Variants in BRAP observed in about 807,000 individuals in gnomAD.
BRAP encodes the protein BRCA1 associated protein.
Under a neutral mutation model 73.4 loss-of-function variants are expected in BRAP, and 42 were observed. The observed-to-expected ratio is 0.57, with a 90% CI of 0.45 to 0.74. BRAP has a LOEUF of 0.74. BRAP is among the 30% of genes least tolerant of loss of function. The probability of loss-of-function intolerance (pLI) is 0.00; values close to 1 mark genes in which losing one functional copy is unlikely to be tolerated. For synonymous variants in BRAP, 255 were observed against 267.4 expected (o/e 0.95, Z 0.45); for missense variants, 593 against 751.4 (o/e 0.79, Z 2.46).
chr12:111,675,062 A>C (rs1271544158), intron 4 of BRAP, among the ~76,000 whole-genome samples: 1 of 152,152 alleles, frequency 6.6e-6, no homozygotes, highest in Non-Finnish European at 1.5e-5. Context: ...GGAGTTTGAG[A>C]CCAGCCTGGG....
At chr12:111,664,310 T>C (rs1330583530) in intron 6 of BRAP, among the ~76,000 whole-genome samples, 1 of 152,006 alleles carries the variant, frequency 6.6e-6, no homozygotes, top group African/African-American at 2.4e-5. Context: ...CCAACACGGG[T>C]GACAGAGCAA....
At chr12:111,648,128 T>C (rs1886180519) in intron 11 of BRAP, among the ~76,000 whole-genome samples, 2 of 150,280 alleles carry the variant, frequency 1.3e-5, no homozygotes, top group Admixed American at 1.3e-4. Flanking sequence ...TGAAACCCCG[T>C]CTCTACTAAA....
intron 9 of BRAP, among the ~76,000 whole-genome samples, chr12:111,657,541 GGT>G (rs1189131305): frequency 6.6e-6 from 1 of 152,116 alleles, no homozygotes; most frequent in Non-Finnish European, 1.5e-5. Flanking sequence ...TTCCTCCTAA[GGT>G]TAAGGTATGT....
At chr12:111,678,135 C>T (rs1453277005) in intron 4 of BRAP, among the ~76,000 whole-genome samples, 1 of 151,544 alleles carries the variant, frequency 6.6e-6, no homozygotes, top group Admixed American at 6.6e-5. Context: ...GCCTATAATC[C>T]CAGCTACTCC....
In BRAP at chr12:111,644,098, C is replaced by T. The variant is rs1024342735; in HGVS notation, c.*101G>A. 6.8e-7 allele frequency: 1 copy of T among 1,477,084 alleles called. No individual in the cohort carries two copies. The highest frequency in any genetic ancestry group is 1.3e-5 in the South Asian group (1 of 74,352). The allele number at this position is 1,477,084 out of a possible 1,614,324, so 91.5% of individuals were successfully genotyped here. A position where few individuals can be genotyped will look rare whatever the true frequency, so the allele number is the denominator to read the frequency against. ...CCAAACAACTGTGGCTTGATCCTCACTTGTACTTATTAGGGCCCACCCTCA... is the reference window on the plus strand; with the variant it reads ...CCAAACAACTGTGGCTTGATCCTCATTTGTACTTATTAGGGCCCACCCTCA... On this transcript the variant is annotated 3_prime_UTR_variant, in exon 12 of 12. Transcript: ENST00000419234.
At chr12:111,675,695 TAGTCCTTTGG>T (rs1401663070) in intron 4 of BRAP, among the ~76,000 whole-genome samples, 1 of 151,930 alleles carries the variant, frequency 6.6e-6, no homozygotes, top group Non-Finnish European at 1.5e-5. Flanking sequence ...TGTTTCCCTC[TAGTCCTTTGG>T]TTTTATTGTT....
rs372655289 is a variant in BRAP, at chr12:111,644,174, T to C, written c.*25A>G. 13 of 1,596,850 alleles carry C rather than the reference T, an allele frequency of 8.1e-6. No individual in the cohort carries two copies. In the African/African-American group the frequency reaches 1.7e-4, roughly 21 times the overall value. On this transcript the variant is annotated 3_prime_UTR_variant, in exon 12 of 12. Transcript: ENST00000419234. ...TCTCACAGTGTCAGGGAGAACAGTC[T>C]CAGGGATGTCTGTTGCTCTGAAGGT...
chr12:111,651,826 C>G (rs1016666932), intron 10 of BRAP, among the ~76,000 whole-genome samples: 2 of 151,328 alleles, frequency 1.3e-5, no homozygotes, highest in Non-Finnish European at 2.9e-5. Flanking sequence ...TTAGTAGATA[C>G]GAGGTTTCAC....
chr12:111,648,648 C>A (rs1054565624), intron 11 of BRAP, among the ~76,000 whole-genome samples: 4 of 149,324 alleles, frequency 2.7e-5, no homozygotes, highest in Non-Finnish European at 5.9e-5. Context: ...TAAAGATGGG[C>A]TGGGCACGGT....
At chr12:111,668,102 G>A (rs532988192) in intron 5 of BRAP, among the ~76,000 whole-genome samples, 2 of 152,308 alleles carry the variant, frequency 1.3e-5, no homozygotes, top group South Asian at 4.1e-4. Flanking sequence ...AGCTACTCAG[G>A]AGGCTGAGGC....
chr12:111,643,893 A>G lies in BRAP; in HGVS notation c.*306T>C, dbSNP rs1278359509. 2.9e-6 allele frequency: 1 copy of G among 340,162 alleles called. No homozygotes were observed. Among genetic ancestry groups the G allele is most frequent in the African/African-American group, 2.1e-5 (1 of 48,246 alleles). 21.1% of individuals were successfully genotyped at this position (340,162 alleles called of 1,614,324 possible). On this transcript the variant is annotated 3_prime_UTR_variant, in exon 12 of 12. Transcript: ENST00000419234. ...ACTGAATGTCAAATACGCCAACTCC[A>G]TAAATACAATGGAAAAATGCACAGC...
chr12:111,672,617 A>C (rs748037520), intron 5 of BRAP, 44 bp downstream of exon 5: 3 of 1,534,814 alleles, frequency 2.0e-6, no homozygotes, highest in Admixed American at 3.4e-5. Flanking sequence ...ATTTTACACC[A>C]ATCTGATATA....
chr12:111,667,123 T>C (rs889998094), intron 5 of BRAP, among the ~76,000 whole-genome samples: 3 of 152,176 alleles, frequency 2.0e-5, no homozygotes, highest in Non-Finnish European at 4.4e-5. Flanking sequence ...TCATGTATTT[T>C]GATATAATTA....
chr12:111,648,953 G>C (rs1886219263), intron 11 of BRAP, among the ~76,000 whole-genome samples: 1 of 151,646 alleles, frequency 6.6e-6, no homozygotes, highest in Non-Finnish European at 1.5e-5. Context: ...GTGAGCTAAG[G>C]TTGTGCCACT....
intron 4 of BRAP, chr12:111,673,095 T>G: frequency 3.9e-6 from 1 of 257,746 alleles, no homozygotes; most frequent in Non-Finnish European, 7.3e-6. Context: ...TTTCCCTTAA[T>G]AGCAGTTTTT....
intron 7 of BRAP, among the ~76,000 whole-genome samples, chr12:111,660,112 C>T (rs533526734): frequency 6.0e-5 from 9 of 151,236 alleles, no homozygotes; most frequent in African/African-American, 2.2e-4. Context: ...ACTGTTTCTA[C>T]AGGAGCCTGA....
intron 10 of BRAP, among the ~76,000 whole-genome samples, chr12:111,653,973 C>A (rs1002017739): frequency 1.3e-5 from 2 of 152,160 alleles, no homozygotes; most frequent in South Asian, 4.1e-4. Flanking sequence ...GCTTTTCAAT[C>A]CTAGAGGGCA....
At chr12:111,685,494 G>A (rs754640040) in intron 1 of BRAP, 99 of 1,128,578 alleles carry the variant, frequency 8.8e-5, no homozygotes, top group Non-Finnish European at 1.1e-4. Flanking sequence ...GCCCTCAGAC[G>A]GCACAGGGAG....
At chr12:111,646,757 A>C (rs1207123118) in intron 11 of BRAP, among the ~76,000 whole-genome samples, 1 of 152,234 alleles carries the variant, frequency 6.6e-6, no homozygotes, top group East Asian at 1.9e-4. Context: ...TGTGTGACAG[A>C]GCAAGATTCC....
Sources: gnomAD v4.1 joint callset for allele counts (sites outside exome capture counted in the v4.1 genomes callset) on GRCh38, gnomAD v4.1.1 for gene constraint, MANE v1.5 for transcripts, NCBI Gene and HGNC (gene_info 2026-07-23, HGNC 2026-07-21) for gene names.